DNAAF5: variants seen among roughly 807,000 people sequenced by gnomAD.
DNAAF5 encodes the protein HEAT repeat containing 2.
A neutral mutation model predicts 75.8 loss-of-function variants in DNAAF5; 64 were observed. The observed-to-expected ratio is 0.84, with a 90% CI of 0.69 to 1.04. The LOEUF (loss-of-function observed/expected upper bound fraction) is 1.04, where lower values mean the gene tolerates loss of function less well. DNAAF5 is among the 50% of genes least tolerant of loss of function. The probability of loss-of-function intolerance (pLI) is 0.00; values close to 1 mark genes in which losing one functional copy is unlikely to be tolerated. For synonymous variants in DNAAF5, 657 were observed against 557.2 expected, an observed-to-expected ratio of 1.18 and a Z score of -2.52; for missense variants, 1,269 against 1,178.5, an observed-to-expected ratio of 1.08 and a Z score of -1.12.
At chr7:752,279 G>A (rs954768431) in intron 4 of DNAAF5, among the ~76,000 whole-genome samples, 103 of 152,392 alleles carry the variant, frequency 6.8e-4, no homozygotes, top group African/African-American at 2.2e-3. Context: ...GCCCAGAACC[G>A]CAGAGCTAGG....
At chr7:779,403 T>C (rs532051509) in intron 11 of DNAAF5, among the ~76,000 whole-genome samples, 1 of 152,334 alleles carries the variant, frequency 6.6e-6, no homozygotes, top group East Asian at 1.9e-4. Flanking sequence ...TTTTTTAAGA[T>C]GATGTAAAAA....
chr7:764,994 G>A (rs776960584), intron 8 of DNAAF5, among the ~76,000 whole-genome samples: 42 of 151,962 alleles, frequency 2.8e-4, no homozygotes, highest in Admixed American at 1.4e-3. Context: ...GGTGGTGTGC[G>A]CCTGTGGCCC....
At chr7:753,804 G>A (rs1420339435) in intron 4 of DNAAF5, among the ~76,000 whole-genome samples, 5 of 140,534 alleles carry the variant, frequency 3.6e-5, no homozygotes, top group South Asian at 4.6e-4. Flanking sequence ...CGATGGCTTC[G>A]CAGGCGTGTC....
At chr7:751,260 C>G (rs1403448037) in intron 4 of DNAAF5, among the ~76,000 whole-genome samples, 2 of 152,032 alleles carry the variant, frequency 1.3e-5, no homozygotes, top group Non-Finnish European at 2.9e-5. Context: ...GGAACTAATT[C>G]CATAATACAG....
intron 5 of DNAAF5, among the ~76,000 whole-genome samples, chr7:756,252 T>C (rs1375913655): frequency 1.3e-3 from 106 of 81,704 alleles, no homozygotes; most frequent in Admixed American, 2.0e-3. Context: ...TGGAATCCCA[T>C]GGTGCAGAGG....
At chr7:747,664 T>A (rs1196807955) in intron 4 of DNAAF5, among the ~76,000 whole-genome samples, 1 of 148,658 alleles carries the variant, frequency 6.7e-6, no homozygotes, top group Non-Finnish European at 1.5e-5. Flanking sequence ...TGGGGTTTGC[T>A]GGTTTCAGTG....
At chr7:775,515 T>C (rs962683930) in intron 11 of DNAAF5, among the ~76,000 whole-genome samples, 1 of 27,696 alleles carries the variant, frequency 3.6e-5, no homozygotes, top group South Asian at 1.6e-3. Flanking sequence ...AGTAGGGGTG[T>C]GTGTGTGTGT....
intron 2 of DNAAF5, among the ~76,000 whole-genome samples, chr7:731,203 T>C (rs907238328): frequency 3.9e-5 from 6 of 152,150 alleles, no homozygotes; most frequent in South Asian, 2.1e-4. Flanking sequence ...GATGACTCTG[T>C]ATGGAGAGCT....
At chr7:785,021 GCCGTCCAC>G (rs1779103841) in intron 12 of DNAAF5, among the ~76,000 whole-genome samples, 1 of 151,806 alleles carries the variant, frequency 6.6e-6, no homozygotes, top group African/African-American at 2.4e-5. Context: ...CATTCTGACT[GCCGTCCAC>G]CCGTCCAGAG....
At position 756,840 on chromosome 7, in the gene DNAAF5, T is replaced by C; in HGVS notation, c.1316T>C (p.Leu439Pro). The change falls in exon 6 of 13, where the codon CTG becomes CCG. Residue 439 changes from leucine (L) to proline (P), a missense_variant. By Grantham distance (98) the Leu-to-Pro change is moderately conservative. Transcript: ENST00000297440. ...GTCAGCCCTGAGGTGTTTCTGAAGC[T>C]GATCTTATCGACGCTGAAGAAGACG... is the stretch of plus-strand genomic sequence containing the variant. Reference protein sequence around the residue: ...TFVSPEVFLKLILSTLKKTPS... With the variant: ...TFVSPEVFLKPILSTLKKTPS... The C allele has an allele frequency of 6.2e-7, 1 of 1,614,032 alleles. No homozygotes were observed. Among genetic ancestry groups the C allele is most frequent in the Non-Finnish European group, 8.5e-7 (1 of 1,180,020 alleles).
intron 2 of DNAAF5, among the ~76,000 whole-genome samples, chr7:740,046 C>G (rs1724589254): frequency 6.6e-6 from 1 of 152,144 alleles, no homozygotes; most frequent in Admixed American, 6.5e-5. Flanking sequence ...CCTGGCCTCA[C>G]AGGGGACAGC....
rs986681677 is a variant in DNAAF5 at position 764,747 on chromosome 7, A to G, written c.1783+773A>G. On this transcript the variant is annotated intron_variant, in intron 8 of 12. Coordinates refer to ENST00000297440, the MANE Select transcript of DNAAF5 (RefSeq NM_017802.4). Reference sequence around the variant, plus strand: ...AAAATACCCAAAATTGTTCTTTGTCAGTTGCATTCAAAACTGTTTCCAAAT... The same window carrying G: ...AAAATACCCAAAATTGTTCTTTGTCGGTTGCATTCAAAACTGTTTCCAAAT... 2.0e-5 allele frequency among the ~76,000 whole-genome samples: 3 copies of G among 152,266 alleles called. No homozygotes were observed. The East Asian group carries it at 5.8e-4, about 29-fold the overall frequency.
At chr7:780,174 C>T (rs750632767) in intron 12 of DNAAF5, 30 bp downstream of exon 12, 83 of 1,598,880 alleles carry the variant, frequency 5.2e-5, no homozygotes, top group Admixed American at 4.0e-4. Context: ...GCCTTCGTTC[C>T]GATGCCTGCT....
chr7:767,744 C>G (rs1404127198), intron 8 of DNAAF5, among the ~76,000 whole-genome samples: 2 of 151,134 alleles, frequency 1.3e-5, no homozygotes, highest in African/African-American at 2.4e-5. Context: ...GGAGCTGGCG[C>G]TGGGAGGGGA....
intron 10 of DNAAF5, among the ~76,000 whole-genome samples, chr7:774,753 G>GTTT (rs1778701201): frequency 6.6e-6 from 1 of 152,220 alleles, no homozygotes; most frequent in Non-Finnish European, 1.5e-5. Context: ...TGGGGCCCAG[G>GTTT]CGAGCCATTA....
chr7:734,428 G>A (rs1781672294), intron 2 of DNAAF5, among the ~76,000 whole-genome samples: 1 of 152,198 alleles, frequency 6.6e-6, no homozygotes, highest in Non-Finnish European at 1.5e-5. Context: ...AGCCATCCTT[G>A]CATTCCTGGA....
rs964928818 is a variant in DNAAF5, at chr7:726,887, C to T, written c.167C>T (p.Ala56Val). Reference protein sequence around the residue: ...RRRALEALRRALEEPGPAADP... With the variant: ...RRRALEALRRVLEEPGPAADP... ...CGCGCCTTGGAGGCCCTGCGGCGCG[C>T]GCTGGAGGAGCCAGGCCCTGCCGCC... is the stretch of plus-strand genomic sequence containing the variant. The change falls in exon 1 of 13, where the codon GCG becomes GTG. Residue 56 changes from alanine (A) to valine (V), a missense_variant. Physicochemically the swap from Ala to Val is moderately conservative, Grantham distance 64 (BLOSUM62 0). Coordinates refer to ENST00000297440, the MANE Select transcript of DNAAF5 (RefSeq NM_017802.4). 1 of 1,332,638 alleles carries T rather than the reference C, an allele frequency of 7.5e-7. No homozygotes were observed. Among genetic ancestry groups the T allele is most frequent in the Admixed American group, 3.7e-5 (1 of 27,254 alleles). 82.6% of individuals were successfully genotyped at this position (1,332,638 alleles called of 1,614,324 possible). A position where few individuals can be genotyped will look rare whatever the true frequency, so the allele number is the denominator to read the frequency against.
intron 4 of DNAAF5, among the ~76,000 whole-genome samples, chr7:745,550 TAC>T (rs557877342): frequency 1.5e-3 from 226 of 152,096 alleles, no homozygotes; most frequent in Non-Finnish European, 2.3e-3. Context: ...GTCACACGCG[TAC>T]ACACATCCTC....
chr7:783,879 C>A (rs1443916433), intron 12 of DNAAF5, among the ~76,000 whole-genome samples: 1 of 152,176 alleles, frequency 6.6e-6, no homozygotes, highest in African/African-American at 2.4e-5. Context: ...GACCAGTGCC[C>A]CTGTGCACCA....
Sources: gnomAD v4.1 joint callset for allele counts (sites outside exome capture counted in the v4.1 genomes callset) on GRCh38, gnomAD v4.1.1 for gene constraint, MANE v1.5 for transcripts, NCBI Gene and HGNC (gene_info 2026-07-23, HGNC 2026-07-21) for gene names.